The following ADAMTS17 variants were observed in gnomAD, a reference collection of about 807,000 sequenced individuals.
ADAMTS17 encodes the protein ADAM metallopeptidase with thrombospondin type 1 motif 17, also known as A disintegrin and metalloproteinase with thrombospondin motifs 17.
A neutral mutation model predicts 141.5 loss-of-function variants in ADAMTS17; 113 were observed. The ratio of observed to expected loss-of-function variants is 0.80; its 90% CI spans 0.69 to 0.93. The LOEUF (loss-of-function observed/expected upper bound fraction) is 0.93. Ranked by LOEUF, ADAMTS17 falls within the 40% of genes least tolerant of loss-of-function variation. ADAMTS17 has a pLI of 0.00. For synonymous variants in ADAMTS17, 768 were observed against 630.6 expected (o/e 1.22, Z -3.27); for missense variants, 1,659 against 1,517.9 (o/e 1.09, Z -1.54).
At chr15:100,207,168 A>G (rs2041604431) in intron 7 of ADAMTS17, among the ~76,000 whole-genome samples, 1 of 152,128 alleles carries the variant, frequency 6.6e-6, no homozygotes, top group South Asian at 2.1e-4. Flanking sequence ...CTGGGTCCTT[A>G]TAAAAAGAAG....
intron 12 of ADAMTS17, among the ~76,000 whole-genome samples, chr15:100,120,213 A>G (rs1032426080): frequency 6.6e-6 from 1 of 152,168 alleles, no homozygotes. Flanking sequence ...TGAAGAAACT[A>G]TTTTGAAACT....
chr15:100,193,980 T>C (rs79935548), intron 8 of ADAMTS17, among the ~76,000 whole-genome samples: 76 of 152,356 alleles, frequency 5.0e-4, no homozygotes, highest in South Asian at 1.2e-3. Context: ...GGGCCAGGCA[T>C]TTCTTGAACC....
At chr15:100,263,607 C>A (rs2043605776) in intron 4 of ADAMTS17, among the ~76,000 whole-genome samples, 1 of 152,170 alleles carries the variant, frequency 6.6e-6, no homozygotes, top group Non-Finnish European at 1.5e-5. Flanking sequence ...AAGCCCACTG[C>A]AGCTGACGAG....
chr15:100,207,406 T>G (rs977340712), intron 7 of ADAMTS17, among the ~76,000 whole-genome samples: 4 of 151,980 alleles, frequency 2.6e-5, no homozygotes, highest in Non-Finnish European at 5.9e-5. Context: ...TAAGAGGAGC[T>G]CTAAACAAGC....
At chr15:100,097,784 C>T (rs755108065) in intron 14 of ADAMTS17, among the ~76,000 whole-genome samples, 6 of 152,198 alleles carry the variant, frequency 3.9e-5, no homozygotes, top group African/African-American at 1.4e-4. Flanking sequence ...CGGGGCCATG[C>T]GATGAGAACC....
At chr15:100,022,075 T>C (rs2061416238) in intron 18 of ADAMTS17, among the ~76,000 whole-genome samples, 1 of 152,204 alleles carries the variant, frequency 6.6e-6, no homozygotes, top group Non-Finnish European at 1.5e-5. Context: ...GCTAAGTCTT[T>C]GTTGACCTTG....
At chr15:100,277,029 G>A (rs971609659) in intron 4 of ADAMTS17, among the ~76,000 whole-genome samples, 2 of 152,096 alleles carry the variant, frequency 1.3e-5, no homozygotes, top group Non-Finnish European at 2.9e-5. Flanking sequence ...GAGCCCCCCT[G>A]TGCAAGGGGG....
intron 15 of ADAMTS17, chr15:100,074,018 A>G (rs978652324): frequency 5.3e-5 from 8 of 152,284 alleles, no homozygotes; most frequent in Non-Finnish European, 1.0e-4. Context: ...GGTTTTCAAG[A>G]TAAATAATAA....
chr15:100,084,329 A>T (rs1325620072), intron 15 of ADAMTS17, among the ~76,000 whole-genome samples: 1 of 152,216 alleles, frequency 6.6e-6, no homozygotes, highest in Non-Finnish European at 1.5e-5. Context: ...TTGAGTAGGT[A>T]AACAAAGCCG....
At chr15:100,315,598 G>A (rs1381526203) in intron 3 of ADAMTS17, among the ~76,000 whole-genome samples, 3 of 152,176 alleles carry the variant, frequency 2.0e-5, no homozygotes, top group Admixed American at 6.5e-5. Context: ...CATTCTGGGA[G>A]GCTGAGGTGG....
chr15:100,320,603 C>T (rs981792140), intron 3 of ADAMTS17, among the ~76,000 whole-genome samples: 3 of 152,104 alleles, frequency 2.0e-5, no homozygotes, highest in South Asian at 2.1e-4. Context: ...GAGGCCGAGG[C>T]GGGCCAATTG....
intron 20 of ADAMTS17, among the ~76,000 whole-genome samples, chr15:99,986,910 A>G (rs570637292): frequency 6.6e-6 from 1 of 152,310 alleles, no homozygotes; most frequent in Admixed American, 6.5e-5. Flanking sequence ...TTTTTCAAAC[A>G]TACCAGAGTG....
chr15:100,191,423 T>G (rs1306421548), intron 8 of ADAMTS17, among the ~76,000 whole-genome samples: 4 of 152,188 alleles, frequency 2.6e-5, no homozygotes, highest in Non-Finnish European at 5.9e-5. Context: ...AATGGCTTTC[T>G]GTTTGAGTTT....
chr15:100,014,161 T>C (rs1388809309), intron 18 of ADAMTS17, among the ~76,000 whole-genome samples: 1 of 152,218 alleles, frequency 6.6e-6, no homozygotes, highest in Non-Finnish European at 1.5e-5. Context: ...GGTTTTCTAG[T>C]TTATGTACAT....
intron 7 of ADAMTS17, among the ~76,000 whole-genome samples, chr15:100,251,408 G>A (rs1228927906): frequency 6.6e-6 from 1 of 152,204 alleles, no homozygotes; most frequent in East Asian, 1.9e-4. Flanking sequence ...TGTGACTATA[G>A]GTAGAGAGAG....
chr15:100,188,288 G>T (rs1204994383), intron 8 of ADAMTS17, among the ~76,000 whole-genome samples: 1 of 151,840 alleles, frequency 6.6e-6, no homozygotes, highest in African/African-American at 2.4e-5. Flanking sequence ...TGTTGGTCAG[G>T]CTGGTCTCAA....
Position 100,117,131 on chromosome 15 carries a change from C to CCACCCCCTCTCTGCTGTTA in ADAMTS17, c.1722-137_1722-119dup, listed in dbSNP as rs2037188272. The CCACCCCCTCTCTGCTGTTA allele has an allele frequency of 9.1e-6, 11 of 1,204,028 alleles. No individual in the cohort carries two copies. The South Asian group carries it at 1.3e-4, about 14-fold the overall frequency. 74.6% of individuals were successfully genotyped at this position (1,204,028 alleles called of 1,614,324 possible). On this transcript the variant is annotated intron_variant, in intron 12 of 21. Transcript: ENST00000268070. ...AGGGGGCAGGGCAAGGTTTCCAAAG[C>CCACCCCCTCTCTGCTGTTA]CACCCCCTCTCTGCTGTTACAGACC... is the stretch of plus-strand genomic sequence containing the variant.
intron 15 of ADAMTS17, among the ~76,000 whole-genome samples, chr15:100,074,951 T>C (rs1684106261): frequency 6.6e-6 from 1 of 152,194 alleles, no homozygotes; most frequent in African/African-American, 2.4e-5. Flanking sequence ...CCCATTTGGT[T>C]CATTAAATGA....
intron 15 of ADAMTS17, among the ~76,000 whole-genome samples, chr15:100,058,575 G>A (rs1022105941): frequency 3.3e-5 from 5 of 152,270 alleles, no homozygotes; most frequent in Admixed American, 6.5e-5. Flanking sequence ...ACCTGGAGAC[G>A]GTTATAAGAC....
Sources: gnomAD v4.1 joint callset for allele counts (sites outside exome capture counted in the v4.1 genomes callset) on GRCh38, gnomAD v4.1.1 for gene constraint, MANE v1.5 for transcripts, NCBI Gene and HGNC (gene_info 2026-07-23, HGNC 2026-07-21) for gene names.